The following NMRK1 variants were observed in gnomAD, a reference collection of about 807,000 sequenced individuals.
NMRK1 encodes NRK 1.
Under a neutral mutation model 29.9 loss-of-function variants are expected in NMRK1, and 28 were observed. The ratio of observed to expected loss-of-function variants is 0.94; its 90% CI spans 0.69 to 1.28. The LOEUF (loss-of-function observed/expected upper bound fraction) is 1.28. NMRK1 is among the 50% of genes most tolerant of loss of function. The probability of loss-of-function intolerance (pLI) is 0.00; values close to 1 mark genes in which losing one functional copy is unlikely to be tolerated. For missense variants in NMRK1, 218 were observed against 233.1 expected (o/e 0.94, Z 0.42); for synonymous variants, 58 against 73.0 (o/e 0.79, Z 1.05).
At chr9:75,075,759 T>G (rs1225006845) in intron 4 of NMRK1, among the ~76,000 whole-genome samples, 1 of 152,038 alleles carries the variant, frequency 6.6e-6, no homozygotes, top group Non-Finnish European at 1.5e-5. Flanking sequence ...CAAACCACAG[T>G]GGCCTAGTAC....
chr9:75,067,914 T>C (rs2118044950), intron 7 of NMRK1, among the ~76,000 whole-genome samples: 1 of 152,308 alleles, frequency 6.6e-6, no homozygotes, highest in East Asian at 1.9e-4. Flanking sequence ...CTTTGCCTTA[T>C]CCAACAGCCT....
intron 1 of NMRK1, among the ~76,000 whole-genome samples, chr9:75,084,839 G>C (rs1293050134): frequency 6.6e-6 from 1 of 152,182 alleles, no homozygotes; most frequent in Non-Finnish European, 1.5e-5. Context: ...GTTTCATCCA[G>C]AGTTATGTTG....
At chr9:75,078,175 A>G in intron 2 of NMRK1, 1 of 1,319,806 alleles carries the variant, frequency 7.6e-7, no homozygotes, top group Non-Finnish European at 1.0e-6. Context: ...TTTTTTGCCT[A>G]TGTCAAAATA....
intron 8 of NMRK1, among the ~76,000 whole-genome samples, chr9:75,062,696 A>G (rs959679232): frequency 2.0e-5 from 3 of 152,224 alleles, no homozygotes; most frequent in Non-Finnish European, 4.4e-5. Context: ...TAATGATTGG[A>G]GGGAACACAG....
intron 4 of NMRK1, among the ~76,000 whole-genome samples, chr9:75,072,959 C>T (rs1046370048): frequency 6.6e-6 from 1 of 152,130 alleles, no homozygotes; most frequent in Non-Finnish European, 1.5e-5. Flanking sequence ...TCTGTTATAT[C>T]ATTAGCAATT....
At position 75,069,057 on chromosome 9, in the gene NMRK1, G is replaced by T. The variant is rs748302769; in HGVS notation, c.435C>A (p.Gly145=). 6.2e-7 allele frequency: 1 copy of T among 1,614,088 alleles called. No homozygotes were observed. The highest frequency in any genetic ancestry group is 1.1e-5 in the South Asian group (1 of 91,076). ...ACTTTAGATACATGGGCCACACATGGCCATCAAAGTATCCCGGAGAGTCTG... is the reference window on the plus strand; with the variant it reads ...ACTTTAGATACATGGGCCACACATGTCCATCAAAGTATCCCGGAGAGTCTG... The part of the protein sequence containing the change: ...QPPDSPGYFD[G]HVWPMYLKYR... The change falls in exon 7 of 9, where the codon GGC becomes GGA. Residue 145 remains glycine (G), a synonymous_variant. Coordinates refer to ENST00000361092, the MANE Select transcript of NMRK1 (RefSeq NM_017881.3).
At chr9:75,074,289 T>C (rs887441818) in intron 4 of NMRK1, among the ~76,000 whole-genome samples, 1 of 152,222 alleles carries the variant, frequency 6.6e-6, no homozygotes, top group African/African-American at 2.4e-5. Flanking sequence ...CTGACAATTT[T>C]TGGAGTATTT....
intron 7 of NMRK1, 138 bp downstream of exon 7, chr9:75,068,858 A>G (rs1823524015): frequency 3.4e-6 from 2 of 595,160 alleles, no homozygotes; most frequent in Non-Finnish European, 6.1e-6. Flanking sequence ...AACCAGGAGA[A>G]CCAGCTATGG....
intron 1 of NMRK1, chr9:75,087,453 C>G (rs1319279068): frequency 6.6e-6 from 1 of 152,084 alleles, no homozygotes; most frequent in African/African-American, 2.4e-5. Context: ...AGCTGCTACT[C>G]AACCCTGCTG....
In NMRK1 at chr9:75,077,185, T is replaced by A; in HGVS notation, c.143A>T (p.Asp48Val). 6.3e-7 allele frequency: 1 copy of A among 1,596,238 alleles called. No individual in the cohort carries two copies. The highest frequency in any genetic ancestry group is 8.6e-7 in the Non-Finnish European group (1 of 1,166,276). ...ATCGTACTGCAAAAATCCATTTTTA[T>A]CTGTCTCTATCTCAGACTCTGGCTG... ...FFKPESEIET[D>V]KNGFLQYDVL... The change falls in exon 4 of 9, where the codon GAT becomes GTT. Residue 48 changes from aspartate to valine, a missense_variant. Asp to Val is a radical substitution (Grantham distance 152). Coordinates refer to ENST00000361092, the MANE Select transcript of NMRK1 (RefSeq NM_017881.3).
At chr9:75,077,277 G>T (rs2118171534) in intron 3 of NMRK1, 70 bp from the exon 4 acceptor site, 1 of 1,093,734 alleles carries the variant, frequency 9.1e-7, no homozygotes, top group East Asian at 2.4e-5. Flanking sequence ...AGACTAAAAA[G>T]GAGAGAAGTC....
At chr9:75,077,049 T>C (rs1210710663) in intron 4 of NMRK1, 110 bp downstream of exon 4, 1 of 674,346 alleles carries the variant, frequency 1.5e-6, no homozygotes, top group Non-Finnish European at 2.6e-6. Context: ...GAAGTTCTTT[T>C]TTTAAATTTT....
chr9:75,069,775 G>A lies in NMRK1; in HGVS notation c.356C>T (p.Thr119Ile), dbSNP rs762430200. 18 of 1,612,148 alleles carry A rather than the reference G, an allele frequency of 1.1e-5. No homozygotes were observed. The highest frequency in any genetic ancestry group is 1.4e-5 in the Non-Finnish European group (16 of 1,179,048). ...DTIWNRSYFL[T>I]IPYEECKRRR... is the part of the protein sequence containing the mutation. ...CCTTTTACATTCTTCATATGGAATA[G>A]TCAGGAAATAGCTTCTATTCCATAT... is the stretch of plus-strand genomic sequence containing the variant. The change falls in exon 6 of 9, where the codon ACT becomes ATT. Residue 119 changes from threonine to isoleucine, a missense_variant. Coordinates refer to ENST00000361092, the MANE Select transcript of NMRK1 (RefSeq NM_017881.3).
At chr9:75,070,944 C>G (rs1352224752) in intron 4 of NMRK1, among the ~76,000 whole-genome samples, 1 of 151,196 alleles carries the variant, frequency 6.6e-6, no homozygotes, top group Non-Finnish European at 1.5e-5. Context: ...GTGATATTAC[C>G]TTTTTTGCTT....
At position 75,060,809 on chromosome 9, in the gene NMRK1, T is replaced by C. The variant is rs1034979838; in HGVS notation, c.*739A>G. 19 of 148,750 alleles carry C rather than the reference T, an allele frequency of 1.3e-4. No individual in the cohort carries two copies. Among genetic ancestry groups the C allele is most frequent in the African/African-American group, 4.8e-4 (19 of 39,768 alleles). 9.2% of individuals were successfully genotyped at this position (148,750 alleles called of 1,614,324 possible). A position where few individuals can be genotyped will look rare whatever the true frequency, so the allele number is the denominator to read the frequency against. On this transcript the variant is annotated 3_prime_UTR_variant, in exon 9 of 9. Coordinates refer to ENST00000361092, the MANE Select transcript of NMRK1 (RefSeq NM_017881.3). ...GGGGGGAGAAAGAAACCAGAAACCC[T>C]ATTTGTAACAAAGTCTCAACAATGA...
intron 6 of NMRK1, 90 bp from the exon 7 acceptor site, chr9:75,069,192 C>G (rs755529189): frequency 6.0e-5 from 54 of 893,642 alleles, no homozygotes; most frequent in Non-Finnish European, 8.3e-5. Flanking sequence ...GGAAATCACT[C>G]AGAGGCTGAA....
intron 4 of NMRK1, among the ~76,000 whole-genome samples, chr9:75,072,307 T>G (rs181022152): frequency 1.3e-5 from 2 of 152,326 alleles, no homozygotes; most frequent in Admixed American, 1.3e-4. Flanking sequence ...GTCTGTTTGT[T>G]GCATTACGTC....
chr9:75,061,427 C>A lies in NMRK1; in HGVS notation c.*121G>T. 2 of 768,948 alleles carry A rather than the reference C, an allele frequency of 2.6e-6. No individual in the cohort carries two copies. The highest frequency in any genetic ancestry group is 1.7e-5 in the South Asian group (1 of 60,300). The allele number at this position is 768,948 out of a possible 1,614,324, so 47.6% of individuals were successfully genotyped here. Reference sequence around the variant, plus strand: ...TGGGAAAACCATGTGCAATAAAAATCAAACATATGAAACAATGGCTGTCAT... The same window carrying A: ...TGGGAAAACCATGTGCAATAAAAATAAAACATATGAAACAATGGCTGTCAT... On this transcript the variant is annotated 3_prime_UTR_variant, in exon 9 of 9. Transcript: ENST00000361092.
At chr9:75,074,503 C>T (rs1823882317) in intron 4 of NMRK1, among the ~76,000 whole-genome samples, 1 of 152,076 alleles carries the variant, frequency 6.6e-6, no homozygotes, top group Non-Finnish European at 1.5e-5. Flanking sequence ...CCTCTCGCCT[C>T]AGTCTCCTTG....
Sources: allele counts gnomAD v4.1 joint callset (sites outside exome capture counted in the v4.1 genomes callset), GRCh38; gene constraint gnomAD v4.1.1; transcripts MANE v1.5; gene names NCBI Gene and HGNC (gene_info 2026-07-23, HGNC 2026-07-21).